Variants in BLMH observed in about 807,000 individuals in gnomAD.
BLMH encodes the protein bleomycin hydrolase.
Under a neutral mutation model 61.6 loss-of-function variants are expected in BLMH, and 32 were observed. The observed-to-expected ratio is 0.52, with a 90% CI of 0.39 to 0.70. BLMH has a LOEUF of 0.70. Ranked by LOEUF, BLMH falls within the 30% of genes least tolerant of loss-of-function variation. The pLI, the probability that BLMH is intolerant of heterozygous loss-of-function variation, is 0.00. For missense variants in BLMH, 460 were observed against 555.5 expected (o/e 0.83, Z 1.73); for synonymous variants, 183 against 193.8 (o/e 0.94, Z 0.46).
At chr17:30,280,786 C>T (rs1567837960) in intron 6 of BLMH, among the ~76,000 whole-genome samples, 2 of 152,068 alleles carry the variant, frequency 1.3e-5, no homozygotes, top group Non-Finnish European at 2.9e-5. Context: ...CCTACCCCAA[C>T]TTTTTTTAGT....
At chr17:30,291,670 G>A (rs1908895485) in intron 1 of BLMH, 137 bp downstream of exon 1, 2 of 1,377,030 alleles carry the variant, frequency 1.5e-6, no homozygotes, top group African/African-American at 2.9e-5. Flanking sequence ...TCTCCCTCCA[G>A]GCCGATCCAG....
At chr17:30,271,755 T>C (rs914094500) in intron 9 of BLMH, among the ~76,000 whole-genome samples, 2 of 152,186 alleles carry the variant, frequency 1.3e-5, no homozygotes, top group Non-Finnish European at 1.5e-5. Context: ...ACCAACCAGT[T>C]TCTGAATTCA....
At chr17:30,263,051 A>G (rs1355220188) in intron 11 of BLMH, among the ~76,000 whole-genome samples, 1 of 152,122 alleles carries the variant, frequency 6.6e-6, no homozygotes, top group Non-Finnish European at 1.5e-5. Flanking sequence ...TCCTTCATAC[A>G]GTTTTATATC....
At chr17:30,267,144 G>C (rs1428922468) in intron 10 of BLMH, among the ~76,000 whole-genome samples, 190 bp from the exon 11 acceptor site, 1 of 152,104 alleles carries the variant, frequency 6.6e-6, no homozygotes, top group Non-Finnish European at 1.5e-5. Context: ...TCACTAAAGG[G>C]ATACTCCAGT....
intron 10 of BLMH, among the ~76,000 whole-genome samples, chr17:30,270,371 G>A (rs1468395410): frequency 2.0e-5 from 3 of 151,914 alleles, no homozygotes; most frequent in Non-Finnish European, 1.5e-5. Context: ...GTGTGTTGGC[G>A]GGCACTTGTA....
chr17:30,273,740 C>T, intron 7 of BLMH: 1 of 386,028 alleles, frequency 2.6e-6, no homozygotes, highest in Non-Finnish European at 4.6e-6. Context: ...ACCCAACACA[C>T]TTTCATTGTT....
At chr17:30,283,517 T>G (rs911707808) in intron 6 of BLMH, among the ~76,000 whole-genome samples, 1 of 141,376 alleles carries the variant, frequency 7.1e-6, no homozygotes, top group Non-Finnish European at 1.5e-5. Context: ...TATACCTCCA[T>G]CTTTTTTTTT....
chr17:30,261,025 T>G (rs568647148), intron 11 of BLMH, among the ~76,000 whole-genome samples: 1 of 152,302 alleles, frequency 6.6e-6, no homozygotes, highest in South Asian at 2.1e-4. Flanking sequence ...TGCCCCTTTC[T>G]CGGAAATCAG....
intron 6 of BLMH, among the ~76,000 whole-genome samples, chr17:30,276,309 G>A (rs1908423496): frequency 6.6e-6 from 1 of 152,190 alleles, no homozygotes; most frequent in South Asian, 2.1e-4. Flanking sequence ...AAGGTTCAGG[G>A]AAATAAATCA....
intron 10 of BLMH, among the ~76,000 whole-genome samples, chr17:30,270,487 G>A (rs1264846643): frequency 6.9e-6 from 1 of 145,016 alleles, no homozygotes; most frequent in Non-Finnish European, 1.5e-5. Flanking sequence ...GGATGACAGA[G>A]TGAGACTCCA....
chr17:30,271,125 G>A (rs1169612019), intron 10 of BLMH, 146 bp downstream of exon 10: 4 of 626,140 alleles, frequency 6.4e-6, no homozygotes, highest in African/African-American at 1.8e-5. Flanking sequence ...CAAGCCCCAA[G>A]TGACGCAGGT....
At chr17:30,258,194 G>A (rs891764101) in intron 11 of BLMH, among the ~76,000 whole-genome samples, 1 of 151,184 alleles carries the variant, frequency 6.6e-6, no homozygotes, top group Non-Finnish European at 1.5e-5. Context: ...TATTTAGAAA[G>A]ATAGATAACA....
chr17:30,271,145 T>C (rs1908257559), intron 10 of BLMH, 126 bp downstream of exon 10: 4 of 731,432 alleles, frequency 5.5e-6, no homozygotes, highest in Non-Finnish European at 6.9e-6. Flanking sequence ...TACGATGTCT[T>C]ACTTGGAAAC....
At chr17:30,282,103 G>A (rs1908606671) in intron 6 of BLMH, among the ~76,000 whole-genome samples, 1 of 152,046 alleles carries the variant, frequency 6.6e-6, no homozygotes, top group African/African-American at 2.4e-5. Flanking sequence ...GGTTGCCCAG[G>A]TAGCACTTGA....
intron 11 of BLMH, among the ~76,000 whole-genome samples, chr17:30,259,200 G>T (rs1036414516): frequency 6.6e-6 from 1 of 152,122 alleles, no homozygotes; most frequent in African/African-American, 2.4e-5. Context: ...AGCCTTAATT[G>T]TCCCAGCTTC....
chr17:30,272,727 G>C lies in BLMH; in HGVS notation c.960+14C>G. The stretch of plus-strand genomic sequence containing the variant: ...TTTTAACCCCAATGTGCAAAATACA[G>C]AAACAATACCAACCTCTCCATCTTT... On this transcript the variant is annotated intron_variant, in intron 8 of 11. Transcript: ENST00000261714. The C allele has an allele frequency of 1.2e-6, 2 of 1,614,090 alleles. No individual in the cohort carries two copies. The highest frequency in any genetic ancestry group is 1.7e-6 in the Non-Finnish European group (2 of 1,180,010).
chr17:30,257,794 A>G (rs1907855644), intron 11 of BLMH, among the ~76,000 whole-genome samples: 1 of 152,136 alleles, frequency 6.6e-6, no homozygotes, highest in Admixed American at 6.5e-5. Flanking sequence ...TTCAAATTCC[A>G]TCTTTCTCAT....
chr17:30,291,753 C>CGGGGACCGCGGAGCTCCTCCA (rs1288202808), intron 1 of BLMH, 54 bp downstream of exon 1: 6 of 1,422,404 alleles, frequency 4.2e-6, no homozygotes, highest in Middle Eastern at 2.5e-4. Flanking sequence ...CCGGGCCTCA[C>CGGGGACCGCGGAGCTCCTCCA]GGGGACCGCG....
chr17:30,264,156 C>T (rs1370025812), intron 11 of BLMH, among the ~76,000 whole-genome samples: 1 of 152,196 alleles, frequency 6.6e-6, no homozygotes, highest in African/African-American at 2.4e-5. Context: ...CCAAGAAACA[C>T]ATGAGAATAA....
Sources: allele counts gnomAD v4.1 joint callset (sites outside exome capture counted in the v4.1 genomes callset), GRCh38; gene constraint gnomAD v4.1.1; transcripts MANE v1.5; gene names NCBI Gene and HGNC (gene_info 2026-07-23, HGNC 2026-07-21).